The following PRDM16 variants were observed in gnomAD, a reference collection of about 807,000 sequenced individuals.
The protein encoded by PRDM16 is PR/SET domain 16.
Under a neutral mutation model 110.6 loss-of-function variants are expected in PRDM16, and 23 were observed. The ratio of observed to expected loss-of-function variants is 0.21; its 90% CI spans 0.15 to 0.29. The LOEUF (loss-of-function observed/expected upper bound fraction) is 0.29. Among genes scored for constraint, PRDM16 ranks in the 10% least tolerant of loss-of-function variants. PRDM16 has a pLI of 1.00. For missense variants in PRDM16, 1,615 were observed against 1,794.3 expected (o/e 0.90, Z 1.81); for synonymous variants, 799 against 781.8 (o/e 1.02, Z -0.37).
At chr1:3,336,540 G>T (rs111574736) in intron 3 of PRDM16, among the ~76,000 whole-genome samples, 3 of 152,060 alleles carry the variant, frequency 2.0e-5, no homozygotes, top group Non-Finnish European at 2.9e-5. Context: ...GTGAATCTGT[G>T]TGTGAGTGCA....
At chr1:3,236,908 A>C (rs1195163938) in intron 2 of PRDM16, among the ~76,000 whole-genome samples, 2 of 152,174 alleles carry the variant, frequency 1.3e-5, no homozygotes, top group South Asian at 4.1e-4. Context: ...TTGGCCCTCC[A>C]CCTCACCATG....
chr1:3,312,232 C>T (rs1451343452), intron 3 of PRDM16, among the ~76,000 whole-genome samples: 1 of 152,252 alleles, frequency 6.6e-6, no homozygotes, highest in Non-Finnish European at 1.5e-5. Flanking sequence ...ATCCATGGCG[C>T]CGTCAGCATC....
chr1:3,319,711 C>T (rs1451150263), intron 3 of PRDM16, among the ~76,000 whole-genome samples: 1 of 152,182 alleles, frequency 6.6e-6, no homozygotes, highest in Non-Finnish European at 1.5e-5. Context: ...CCAGAAGGCT[C>T]AGCCCAGGTC....
At chr1:3,138,819 G>A (rs1422490902) in intron 1 of PRDM16, among the ~76,000 whole-genome samples, 1 of 152,198 alleles carries the variant, frequency 6.6e-6, no homozygotes, top group South Asian at 2.1e-4. Context: ...AGGCGCCCCT[G>A]CATGAGGGCA....
intron 1 of PRDM16, among the ~76,000 whole-genome samples, chr1:3,103,587 G>A (rs2100622862): frequency 6.6e-6 from 1 of 152,344 alleles, no homozygotes; most frequent in African/African-American, 2.4e-5. Flanking sequence ...GCCCCTGAGG[G>A]GTGGTGCAGA....
chr1:3,082,139 G>A lies in PRDM16; in HGVS notation c.37+12843G>A, dbSNP rs1642043564. On this transcript the variant is annotated intron_variant, in intron 1 of 16. Coordinates refer to ENST00000270722, the MANE Select transcript of PRDM16 (RefSeq NM_022114.4). ...TTAGATGACCTTGGACCAAACCACG[G>A]GAACTTGATGGGCAGGAGGCTGGCC... Among the ~76,000 whole-genome samples the A allele has an allele frequency of 2.6e-5, 4 of 152,150 alleles. No homozygotes were observed. The South Asian group carries it at 8.3e-4, about 32-fold the overall frequency.
At chr1:3,119,845 T>A (rs1643051446) in intron 1 of PRDM16, among the ~76,000 whole-genome samples, 1 of 152,236 alleles carries the variant, frequency 6.6e-6, no homozygotes, top group Admixed American at 6.5e-5. Context: ...GCTCAGCAGC[T>A]GACACAGCCC....
At position 3,411,872 on chromosome 1, in the gene PRDM16, G is replaced by T; in HGVS notation, c.1675G>T (p.Val559Phe). 6.2e-7 allele frequency: 1 copy of T among 1,612,544 alleles called. No individual in the cohort carries two copies. ...CCTGGGGAACCCAGCCCTGCCCCTGGTCTCCGCCGTCAGCAACAGCAGCCA... is the reference window on the plus strand; with the variant it reads ...CCTGGGGAACCCAGCCCTGCCCCTGTTCTCCGCCGTCAGCAACAGCAGCCA... ...SPLGNPALPL[V>F]SAVSNSSQGT... Residue 559 changes from valine (V) to phenylalanine (F), a missense_variant, in exon 9 of 17, where the codon GTC becomes TTC. This residue lies in a region of PRDM16 where 772 missense variants were observed against 748.3 expected (regional missense o/e 1.03). Coordinates refer to ENST00000270722, the MANE Select transcript of PRDM16 (RefSeq NM_022114.4).
At chr1:3,260,948 T>A (rs1300185167) in intron 3 of PRDM16, among the ~76,000 whole-genome samples, 2 of 150,572 alleles carry the variant, frequency 1.3e-5, no homozygotes, top group East Asian at 4.0e-4. Flanking sequence ...TCTGGCTCCA[T>A]CATCAACCAG....
chr1:3,108,211 T>G (rs1642710722), intron 1 of PRDM16, among the ~76,000 whole-genome samples: 1 of 152,268 alleles, frequency 6.6e-6, no homozygotes, highest in African/African-American at 2.4e-5. Flanking sequence ...CTTTGCTTCC[T>G]TTAAAAATAA....
At chr1:3,340,519 A>G (rs1642250455) in intron 3 of PRDM16, among the ~76,000 whole-genome samples, 1 of 152,204 alleles carries the variant, frequency 6.6e-6, no homozygotes, top group Admixed American at 6.5e-5. Flanking sequence ...ATTATTTTTG[A>G]CAACTTGCAT....
Position 3,175,911 on chromosome 1 carries a change from C to T in PRDM16, c.38-10214C>T, listed in dbSNP as rs1470223532. 6.6e-6 allele frequency among the ~76,000 whole-genome samples: 1 copy of T among 152,172 alleles called. No individual in the cohort carries two copies. Among genetic ancestry groups the T allele is most frequent in the Non-Finnish European group, 1.5e-5 (1 of 68,036 alleles). ...GGAGTGAGGCTCCTGCCTTCTACCT[C>T]TTCTGTTGGAAACTGCCCTGGAGGT... On this transcript the variant is annotated intron_variant, in intron 1 of 16. Coordinates refer to ENST00000270722, the MANE Select transcript of PRDM16 (RefSeq NM_022114.4). This position sits in a 1 kb window ranked among gnomAD's most constrained non-coding sequence, Gnocchi z 4.8.
chr1:3,382,832 T>C lies in PRDM16; in HGVS notation c.439-2320T>C, dbSNP rs1056635466. On this transcript the variant is annotated intron_variant, in intron 3 of 16. Transcript: ENST00000270722. The surrounding 1 kb of genome is among the most constrained non-coding windows in gnomAD (Gnocchi z 6.6). ...ACCAGCCCTCAGCCCACAGGCACTG[T>C]GTACAATGTGCTGTGACGTCAGCAG... 3.3e-5 allele frequency among the ~76,000 whole-genome samples: 5 copies of C among 152,146 alleles called. No homozygotes were observed. The East Asian group carries it at 9.7e-4, about 29-fold the overall frequency.
rs574528337 is a variant in PRDM16 at position 3,305,917 on chromosome 1, T to C, written c.438+61780T>C. On this transcript the variant is annotated intron_variant, in intron 3 of 16. Transcript: ENST00000270722. ...TTAACACTTTGCCACTAGCCACCTA[T>C]GCCAGGCACTGGCCTGGGCCCCAGT... 7.9e-5 allele frequency among the ~76,000 whole-genome samples: 12 copies of C among 152,378 alleles called. No homozygotes were observed. The South Asian group carries it at 2.1e-3, about 26-fold the overall frequency.
At chr1:3,180,957 G>GCCACACACGCAGCC (rs1557507314) in intron 1 of PRDM16, among the ~76,000 whole-genome samples, 6 of 141,806 alleles carry the variant, frequency 4.2e-5, no homozygotes, top group African/African-American at 1.6e-4. Flanking sequence ...TACACACGCA[G>GCCACACACGCAGCC]TCTTACACAC....
rs145910696 is a variant in PRDM16, at chr1:3,339,283, C to G, written c.439-45869C>G. ...CCACCACAGTACCATCAAAGACAGACGTCCTGCTTGTCTCGGTATCCCTGG... is the reference window on the plus strand; with the variant it reads ...CCACCACAGTACCATCAAAGACAGAGGTCCTGCTTGTCTCGGTATCCCTGG... On this transcript the variant is annotated intron_variant, in intron 3 of 16. Coordinates refer to ENST00000270722, the MANE Select transcript of PRDM16 (RefSeq NM_022114.4). This position sits in a 1 kb window ranked among gnomAD's most constrained non-coding sequence, Gnocchi z 5.0. Among the ~76,000 whole-genome samples the G allele has an allele frequency of 6.6e-6, 1 of 152,052 alleles. No individual in the cohort carries two copies. Among genetic ancestry groups the G allele is most frequent in the East Asian group, 1.9e-4 (1 of 5,166 alleles).
chr1:3,134,633 C>A (rs1422251233), intron 1 of PRDM16, among the ~76,000 whole-genome samples: 1 of 152,264 alleles, frequency 6.6e-6, no homozygotes, highest in East Asian at 1.9e-4. Context: ...CCGGAGTTAA[C>A]CGTGGCGGCT....
chr1:3,359,944 G>A lies in PRDM16; in HGVS notation c.439-25208G>A, dbSNP rs1448913352. On this transcript the variant is annotated intron_variant, in intron 3 of 16. Transcript: ENST00000270722. This position sits in a 1 kb window ranked among gnomAD's most constrained non-coding sequence, Gnocchi z 4.3. ...GGCAGCCAGCTCCTCACAGAAGGCCGCCCGGCTCAGAACAGGTCCCTTCAG... is the reference window on the plus strand; with the variant it reads ...GGCAGCCAGCTCCTCACAGAAGGCCACCCGGCTCAGAACAGGTCCCTTCAG... 2.6e-5 allele frequency among the ~76,000 whole-genome samples: 4 copies of A among 152,210 alleles called. No homozygotes were observed. Among genetic ancestry groups the A allele is most frequent in the African/African-American group, 7.2e-5 (3 of 41,460 alleles).
chr1:3,118,861 G>A (rs1643027979), intron 1 of PRDM16, among the ~76,000 whole-genome samples: 1 of 152,238 alleles, frequency 6.6e-6, no homozygotes, highest in African/African-American at 2.4e-5. Flanking sequence ...CACAGGGCCC[G>A]AGGCACCTCT....
Sources: gnomAD v4.1 joint callset for allele counts (sites outside exome capture counted in the v4.1 genomes callset) on GRCh38, gnomAD v4.1.1 for gene constraint, gnomAD v4.1.1 regional missense constraint, Gnocchi (gnomAD v3.1) non-coding constraint, MANE v1.5 for transcripts, NCBI Gene and HGNC (gene_info 2026-07-23, HGNC 2026-07-21) for gene names.